Variants in NALF1 observed in about 807,000 individuals in gnomAD.
The protein encoded by NALF1 is family with sequence similarity 155 member A.
In NALF1, 3 loss-of-function variants were observed where a neutral mutation model predicts 48.4. That is an observed-to-expected ratio of 0.06 (90% CI 0.03 to 0.16). The LOEUF is 0.16. NALF1 is among the 10% of genes least tolerant of loss of function. The pLI is 1.00. For synonymous variants in NALF1, 262 were observed against 245.7 expected (o/e 1.07, Z -0.62); for missense variants, 526 against 571.5 (o/e 0.92, Z 0.81).
At chr13:107,250,810 T>C (rs1384403984) in intron 1 of NALF1, among the ~76,000 whole-genome samples, 2 of 152,164 alleles carry the variant, frequency 1.3e-5, no homozygotes, top group South Asian at 4.1e-4. Context: ...GGGGTCAGAC[T>C]TCCCCCTTGC....
intron 1 of NALF1, among the ~76,000 whole-genome samples, chr13:107,431,636 C>G (rs1463119829): frequency 6.6e-6 from 1 of 152,182 alleles, no homozygotes; most frequent in Non-Finnish European, 1.5e-5. Context: ...GGGATGCTAG[C>G]CCGTCATGGT....
intron 2 of NALF1, among the ~76,000 whole-genome samples, chr13:107,176,101 A>T (rs1313236606): frequency 6.6e-6 from 1 of 152,218 alleles, no homozygotes; most frequent in Non-Finnish European, 1.5e-5. Context: ...CATTGAAGAA[A>T]TTATAAAAAC....
intron 1 of NALF1, among the ~76,000 whole-genome samples, chr13:107,650,770 C>T (rs1198749529): frequency 6.6e-6 from 1 of 151,920 alleles, no homozygotes; most frequent in African/African-American, 2.4e-5. Flanking sequence ...TGTCTTTTGC[C>T]AGAATATGAA....
At chr13:107,746,995 T>G (rs1876799271) in intron 1 of NALF1, among the ~76,000 whole-genome samples, 1 of 152,172 alleles carries the variant, frequency 6.6e-6, no homozygotes, top group African/African-American at 2.4e-5. Flanking sequence ...GGCCAGTGAT[T>G]TTTTAGACAT....
At chr13:107,651,322 T>G (rs1398746255) in intron 1 of NALF1, among the ~76,000 whole-genome samples, 1 of 152,150 alleles carries the variant, frequency 6.6e-6, no homozygotes, top group Non-Finnish European at 1.5e-5. Flanking sequence ...CAGGGATGCT[T>G]TAAAACTCTG....
At chr13:107,560,565 T>C (rs1451526873) in intron 1 of NALF1, among the ~76,000 whole-genome samples, 1 of 152,200 alleles carries the variant, frequency 6.6e-6, no homozygotes, top group Non-Finnish European at 1.5e-5. Context: ...TAGTATGATG[T>C]ACTACATTGT....
At chr13:107,848,279 A>G (rs1042521877) in intron 1 of NALF1, among the ~76,000 whole-genome samples, 3 of 152,198 alleles carry the variant, frequency 2.0e-5, no homozygotes, top group Non-Finnish European at 2.9e-5. Flanking sequence ...TGGTAGGTAC[A>G]TGATCAAAGA....
rs1878633404 is a variant in NALF1 at position 107,165,170 on chromosome 13, C to T, written c.*5327G>A. On this transcript the variant is annotated 3_prime_UTR_variant, in exon 3 of 3. Transcript: ENST00000375915. The stretch of plus-strand genomic sequence containing the variant: ...TTAAAATATTCCCATAGACCCTCTT[C>T]TCCTTTACCTCCAAAATATTGAATA... 1 of 152,190 alleles carries T rather than the reference C, an allele frequency of 6.6e-6. No homozygotes were observed. Among genetic ancestry groups the T allele is most frequent in the Non-Finnish European group, 1.5e-5 (1 of 68,038 alleles). 9.4% of individuals were successfully genotyped at this position (152,190 alleles called of 1,614,324 possible).
intron 1 of NALF1, among the ~76,000 whole-genome samples, chr13:107,704,633 T>C (rs932271987): frequency 1.3e-5 from 2 of 151,446 alleles, no homozygotes; most frequent in Admixed American, 6.6e-5. Context: ...TTTGGGATTA[T>C]TGGGTTTATC....
At chr13:107,569,539 G>C (rs968409583) in intron 1 of NALF1, among the ~76,000 whole-genome samples, 2 of 151,782 alleles carry the variant, frequency 1.3e-5, no homozygotes, top group African/African-American at 4.8e-5. Context: ...CCAAAAATCT[G>C]TTTGGCATAG....
chr13:107,338,677 T>C (rs1882606600), intron 1 of NALF1, among the ~76,000 whole-genome samples: 1 of 152,204 alleles, frequency 6.6e-6, no homozygotes, highest in African/African-American at 2.4e-5. Context: ...AAAGTCCTTG[T>C]CACCTATTAA....
intron 1 of NALF1, among the ~76,000 whole-genome samples, chr13:107,237,351 A>AG (rs1024488569): frequency 6.6e-6 from 1 of 152,192 alleles, no homozygotes; most frequent in African/African-American, 2.4e-5. Context: ...CAAAAAAATC[A>AG]GAAGTATGCA....
intron 1 of NALF1, among the ~76,000 whole-genome samples, chr13:107,761,330 C>T (rs1432917492): frequency 6.6e-6 from 1 of 150,958 alleles, no homozygotes; most frequent in African/African-American, 2.4e-5. Context: ...GCACCCCAGC[C>T]TGAGCGACAG....
In NALF1 at chr13:107,231,788, TA is replaced by T. The variant is rs755684002; in HGVS notation, c.916-21034del. Among the ~76,000 whole-genome samples, 23 of 152,324 alleles carry T rather than the reference TA, an allele frequency of 1.5e-4. 1 individual carries two copies. In the Middle Eastern group the frequency reaches 0.027, roughly 180 times the overall value. On this transcript the variant is annotated intron_variant, in intron 1 of 2. Transcript: ENST00000375915. ...AGGGCCACAGAATATGGCATGAAGT[TA>T]AAGGGGAAGGAGAACTGAAAATGCT...
At chr13:107,757,368 C>T (rs929578635) in intron 1 of NALF1, among the ~76,000 whole-genome samples, 1 of 147,222 alleles carries the variant, frequency 6.8e-6, no homozygotes, top group Non-Finnish European at 1.5e-5. Flanking sequence ...TGAAGAGTAA[C>T]ATTATGGAGA....
intron 1 of NALF1, among the ~76,000 whole-genome samples, chr13:107,389,442 A>G (rs577847174): frequency 6.6e-6 from 1 of 152,304 alleles, no homozygotes; most frequent in East Asian, 1.9e-4. Flanking sequence ...GAAAGACGAC[A>G]TAGATACAGG....
chr13:107,337,341 G>C (rs1455435526), intron 1 of NALF1, among the ~76,000 whole-genome samples: 2 of 152,004 alleles, frequency 1.3e-5, no homozygotes, highest in Non-Finnish European at 2.9e-5. Context: ...TTGAAACCCA[G>C]TGTTATATCT....
chr13:107,754,392 CA>C lies in NALF1; in HGVS notation c.915+111289del, dbSNP rs879910003. On this transcript the variant is annotated intron_variant, in intron 1 of 2. Transcript: ENST00000375915. Reference sequence around the variant, plus strand: ...ACACACACACACACACACACACACACACACACCATATATGGAACCGCTGAAC... The same window carrying C: ...ACACACACACACACACACACACACACCACACCATATATGGAACCGCTGAAC... Among the ~76,000 whole-genome samples the C allele has an allele frequency of 0.037, 5,134 of 137,810 alleles. 359 individuals are homozygous for C. The East Asian group carries it at 0.38, about 10-fold the overall frequency. 90.4% of individuals were successfully genotyped at this position (137,810 alleles called of 152,430 possible).
At chr13:107,674,365 T>C (rs1051936695) in intron 1 of NALF1, among the ~76,000 whole-genome samples, 3 of 152,208 alleles carry the variant, frequency 2.0e-5, no homozygotes, top group African/African-American at 7.2e-5. Flanking sequence ...CTCTTTTCCA[T>C]TTCATCCTGA....
Sources: allele counts gnomAD v4.1 joint callset (sites outside exome capture counted in the v4.1 genomes callset), GRCh38; gene constraint gnomAD v4.1.1; transcripts MANE v1.5; gene names NCBI Gene and HGNC (gene_info 2026-07-23, HGNC 2026-07-21).